Variants in UNC13C observed in about 807,000 individuals in gnomAD.
UNC13C encodes the protein unc-13 homolog C.
Under a neutral mutation model 245.4 loss-of-function variants are expected in UNC13C, and 174 were observed. The observed-to-expected ratio is 0.71, with a 90% CI of 0.63 to 0.80. The LOEUF (loss-of-function observed/expected upper bound fraction) is 0.80. Ranked by LOEUF, UNC13C falls within the 30% of genes least tolerant of loss-of-function variation. UNC13C has a pLI of 0.00. For synonymous variants in UNC13C, 992 were observed against 895.1 expected, an observed-to-expected ratio of 1.11 and a Z score of -1.93; for missense variants, 2,829 against 2,602.9, an observed-to-expected ratio of 1.09 and a Z score of -1.89.
intron 24 of UNC13C, among the ~76,000 whole-genome samples, chr15:54,520,232 C>T (rs1223888989): frequency 6.6e-6 from 1 of 152,082 alleles, no homozygotes; most frequent in African/African-American, 2.4e-5. Flanking sequence ...TCAGAGATAT[C>T]ACCAATCATA....
chr15:53,878,657 A>C, the UNC13C span, among the ~76,000 whole-genome samples: 1 of 152,202 alleles, frequency 6.6e-6, no homozygotes, highest in South Asian at 2.1e-4. Flanking sequence ...AATAATTTTA[A>C]GAAATATTTG....
At chr15:53,886,274 A>C in the UNC13C span, among the ~76,000 whole-genome samples, 1 of 152,186 alleles carries the variant, frequency 6.6e-6, no homozygotes, top group Admixed American at 6.5e-5. Context: ...GGACTGGGGC[A>C]TATACAAGAT....
intron 2 of UNC13C, among the ~76,000 whole-genome samples, chr15:54,035,857 G>A (rs1896557928): frequency 6.6e-6 from 1 of 152,142 alleles, no homozygotes; most frequent in African/African-American, 2.4e-5. Flanking sequence ...TTGCAACACC[G>A]AGAGGATGAT....
chr15:54,238,906 G>T (rs1217597123), intron 7 of UNC13C, among the ~76,000 whole-genome samples: 2 of 152,108 alleles, frequency 1.3e-5, no homozygotes, highest in South Asian at 2.1e-4. Flanking sequence ...ACAGTGATGG[G>T]GTCTCATTCT....
chr15:54,027,453 C>G (rs1896161531), intron 2 of UNC13C, among the ~76,000 whole-genome samples: 1 of 152,182 alleles, frequency 6.6e-6, no homozygotes, highest in Admixed American at 6.5e-5. Context: ...ACTGCAACCT[C>G]CACCCCTCCG....
intron 4 of UNC13C, among the ~76,000 whole-genome samples, chr15:54,184,138 A>G (rs1371733727): frequency 6.6e-6 from 1 of 152,114 alleles, no homozygotes; most frequent in Non-Finnish European, 1.5e-5. Context: ...TTTTGTTTTG[A>G]GGCAACTGAT....
intron 8 of UNC13C, among the ~76,000 whole-genome samples, chr15:54,256,032 A>C (rs2036270787): frequency 6.6e-6 from 1 of 152,210 alleles, no homozygotes; most frequent in Admixed American, 6.5e-5. Flanking sequence ...ATGGATATCA[A>C]TGCATGTTTT....
the UNC13C span, among the ~76,000 whole-genome samples, chr15:53,890,368 C>G: frequency 6.6e-6 from 1 of 152,120 alleles, no homozygotes; most frequent in East Asian, 1.9e-4. Context: ...GTCTCAATCT[C>G]CTGACCTCGT....
upstream of UNC13C, among the ~76,000 whole-genome samples, chr15:53,973,420 C>T (rs1360580394): frequency 6.6e-6 from 1 of 151,626 alleles, no homozygotes; most frequent in Non-Finnish European, 1.5e-5. Context: ...ACATTTATAC[C>T]TATTTTGCAG....
intron 2 of UNC13C, among the ~76,000 whole-genome samples, chr15:54,062,523 C>A (rs550112362): frequency 1.5e-4 from 23 of 152,170 alleles, no homozygotes; most frequent in African/African-American, 5.1e-4. Flanking sequence ...TGAAACTGGT[C>A]CTAAACATGT....
At position 54,317,201 on chromosome 15, in the gene UNC13C, G is replaced by T. The variant is rs893789980; in HGVS notation, c.4269-4738G>T. ...TTTTTAAAAGAGAAGCTTAAAGTGT[G>T]AATGTAAGTTGGACATTACTTTTTT... On this transcript the variant is annotated intron_variant, in intron 13 of 32. Transcript: ENST00000260323. Among the ~76,000 whole-genome samples the T allele has an allele frequency of 4.6e-5, 7 of 152,054 alleles. No homozygotes were observed. In the East Asian group the frequency reaches 1.4e-3, roughly 30 times the overall value.
At chr15:54,582,673 G>T (rs1397640456) in intron 30 of UNC13C, among the ~76,000 whole-genome samples, 1 of 152,140 alleles carries the variant, frequency 6.6e-6, no homozygotes, top group African/African-American at 2.4e-5. Context: ...GAAGGGACGT[G>T]TTTGCAAGTC....
chr15:54,059,115 C>A (rs1245868216), intron 2 of UNC13C, among the ~76,000 whole-genome samples: 2 of 152,070 alleles, frequency 1.3e-5, no homozygotes, highest in South Asian at 2.1e-4. Flanking sequence ...CTGGCCAGGG[C>A]AATCAGGCAG....
chr15:54,380,189 A>C (rs1029281513), intron 17 of UNC13C, among the ~76,000 whole-genome samples: 1 of 150,436 alleles, frequency 6.6e-6, no homozygotes, highest in African/African-American at 2.5e-5. Flanking sequence ...TCTACTATCT[A>C]CTTCTATGAG....
intron 1 of UNC13C, among the ~76,000 whole-genome samples, chr15:53,993,317 G>T (rs1240142527): frequency 1.3e-5 from 2 of 152,074 alleles, no homozygotes; most frequent in Admixed American, 1.3e-4. Flanking sequence ...TCAAGCAATT[G>T]AACTCCCACA....
chr15:53,997,261 G>A (rs961627990), intron 1 of UNC13C, among the ~76,000 whole-genome samples: 4 of 151,918 alleles, frequency 2.6e-5, no homozygotes, highest in Non-Finnish European at 5.9e-5. Flanking sequence ...TGTTTATATT[G>A]TATTTTTATT....
At chr15:54,362,819 T>C (rs2039266189) in intron 17 of UNC13C, among the ~76,000 whole-genome samples, 1 of 152,122 alleles carries the variant, frequency 6.6e-6, no homozygotes, top group Non-Finnish European at 1.5e-5. Context: ...AAAAAGGTGT[T>C]CTACGAGTAC....
chr15:54,611,644 T>A (rs980626435), intron 30 of UNC13C: 1 of 152,132 alleles, frequency 6.6e-6, no homozygotes, highest in African/African-American at 2.4e-5. Context: ...CCGCTATGAT[T>A]GTAAGTAAGT....
At chr15:53,898,110 A>G in the UNC13C span, among the ~76,000 whole-genome samples, 37 of 152,252 alleles carry the variant, frequency 2.4e-4, no homozygotes, top group African/African-American at 8.4e-4. Context: ...TCAATATAAG[A>G]TCTTCTACAT....
Sources: allele counts gnomAD v4.1 joint callset (sites outside exome capture counted in the v4.1 genomes callset), GRCh38; gene constraint gnomAD v4.1.1; transcripts MANE v1.5; gene names NCBI Gene and HGNC (gene_info 2026-07-23, HGNC 2026-07-21).